The following ACOT12 variants were observed in gnomAD, a reference collection of about 807,000 sequenced individuals.
ACOT12 encodes acyl-CoA thioesterase 12, also known as acetyl-coenzyme A thioesterase.
A neutral mutation model predicts 67.7 loss-of-function variants in ACOT12; 51 were observed. The observed-to-expected ratio is 0.75, with a 90% CI of 0.60 to 0.95. The LOEUF (loss-of-function observed/expected upper bound fraction) is 0.95, where lower values mean the gene tolerates loss of function less well. Ranked by LOEUF, ACOT12 falls within the 40% of genes least tolerant of loss-of-function variation. The pLI, the probability that ACOT12 is intolerant of heterozygous loss-of-function variation, is 0.00. For synonymous variants in ACOT12, 251 were observed against 244.6 expected, an observed-to-expected ratio of 1.03 and a Z score of -0.24; for missense variants, 734 against 708.1, an observed-to-expected ratio of 1.04 and a Z score of -0.41.
chr5:81,345,325 A>G (rs1759347251), intron 7 of ACOT12, among the ~76,000 whole-genome samples: 1 of 152,180 alleles, frequency 6.6e-6, no homozygotes, highest in Non-Finnish European at 1.5e-5. Context: ...ATTCAAGAAC[A>G]TATTTTGGCA....
intron 5 of ACOT12, among the ~76,000 whole-genome samples, chr5:81,354,525 T>C (rs1759649515): frequency 6.6e-6 from 1 of 152,130 alleles, no homozygotes; most frequent in Non-Finnish European, 1.5e-5. Context: ...GTCACCATCC[T>C]AGCAACCCTT....
chr5:81,347,362 C>T (rs1421847265), intron 6 of ACOT12, among the ~76,000 whole-genome samples: 2 of 152,152 alleles, frequency 1.3e-5, no homozygotes, highest in Admixed American at 1.3e-4. Context: ...CTTCCTGTCT[C>T]GGCCTCCCAG....
chr5:81,346,944 C>T (rs898225868), intron 6 of ACOT12, among the ~76,000 whole-genome samples: 4 of 152,154 alleles, frequency 2.6e-5, no homozygotes, highest in Non-Finnish European at 4.4e-5. Flanking sequence ...GCTCAATTAC[C>T]TACATCTTTC....
At chr5:81,313,457 T>C in the ACOT12 span, among the ~76,000 whole-genome samples, 2 of 152,244 alleles carry the variant, frequency 1.3e-5, no homozygotes, top group Non-Finnish European at 2.9e-5. Flanking sequence ...ATAAACTTAA[T>C]AGCATTTTGT....
the ACOT12 span, among the ~76,000 whole-genome samples, chr5:81,323,872 ATGTG>A: frequency 4.2e-5 from 6 of 144,248 alleles, no homozygotes; most frequent in African/African-American, 1.5e-4. Flanking sequence ...ATATGTATAT[ATGTG>A]TATATATGTA....
intron 12 of ACOT12, among the ~76,000 whole-genome samples, chr5:81,334,515 A>G (rs1054703912): frequency 6.6e-6 from 1 of 152,222 alleles, no homozygotes; most frequent in East Asian, 1.9e-4. Context: ...GAGGAGGATA[A>G]GGGAACTCCT....
Position 81,330,471 on chromosome 5 carries a change from A to G in ACOT12, c.1591T>C (p.Ser531Pro), listed in dbSNP as rs1388945045. ...FAGNLGGWSKSIEETAASCIQ... is the reference protein window; with the variant it reads ...FAGNLGGWSKPIEETAASCIQ... ...CAAGAGGCTGCTGTTTCTTCAATGG[A>G]TTTTGACCAGCCACCAAGATTTCCA... is the stretch of plus-strand genomic sequence containing the variant. Residue 531 changes from serine (S) to proline (P), a missense_variant, in exon 15 of 15, where the codon TCC becomes CCC. Ser to Pro is a moderately conservative substitution (Grantham distance 74). Transcript: ENST00000307624. 1.9e-6 allele frequency: 3 copies of G among 1,614,028 alleles called. No homozygotes were observed. Among genetic ancestry groups the G allele is most frequent in the Non-Finnish European group, 2.5e-6 (3 of 1,179,988 alleles).
intron 4 of ACOT12, among the ~76,000 whole-genome samples, chr5:81,362,163 C>CTTTT (rs529301882): frequency 7.6e-6 from 1 of 131,634 alleles, no homozygotes; most frequent in Non-Finnish European, 1.6e-5. Context: ...CTATTATATT[C>CTTTT]TTTTTTTTTT....
At chr5:81,341,074 A>T (rs1436017387) in intron 11 of ACOT12, among the ~76,000 whole-genome samples, 1 of 152,228 alleles carries the variant, frequency 6.6e-6, no homozygotes, top group Admixed American at 6.5e-5. Flanking sequence ...TTCATTCCAG[A>T]CATGAATTTG....
At chr5:81,333,588 T>C (rs1000293835) in intron 12 of ACOT12, among the ~76,000 whole-genome samples, 1 of 152,216 alleles carries the variant, frequency 6.6e-6, no homozygotes, top group African/African-American at 2.4e-5. Context: ...GAATGTCAAG[T>C]GACATAGAGA....
At chr5:81,363,959 T>C (rs1241180310) in intron 3 of ACOT12, 70 bp from the exon 4 acceptor site, 2 of 1,013,268 alleles carry the variant, frequency 2.0e-6, no homozygotes, top group Non-Finnish European at 2.8e-6. Context: ...AATTTAGTCA[T>C]ATGTATGCAC....
intron 2 of ACOT12, among the ~76,000 whole-genome samples, chr5:81,382,572 G>A (rs1409356993): frequency 6.6e-6 from 1 of 152,090 alleles, no homozygotes; most frequent in Non-Finnish European, 1.5e-5. Flanking sequence ...CGAGGTGGGT[G>A]GATCACCTGA....
intron 5 of ACOT12, among the ~76,000 whole-genome samples, chr5:81,355,275 C>G (rs1298323662): frequency 1.3e-5 from 2 of 152,276 alleles, no homozygotes; most frequent in Admixed American, 1.3e-4. Flanking sequence ...CTTTATTATT[C>G]CCATTTTACA....
At chr5:81,357,866 C>T (rs192812558) in intron 5 of ACOT12, among the ~76,000 whole-genome samples, 209 of 151,960 alleles carry the variant, frequency 1.4e-3, no homozygotes, top group African/African-American at 4.6e-3. Context: ...ATTAGCTGGG[C>T]GTGGTGGCGC....
chr5:81,350,232 C>T (rs571007297), intron 5 of ACOT12, among the ~76,000 whole-genome samples: 2 of 152,204 alleles, frequency 1.3e-5, no homozygotes, highest in African/African-American at 4.8e-5. Context: ...TCTTCCAGTT[C>T]CTTGTCTTAT....
At chr5:81,324,251 G>T in the ACOT12 span, among the ~76,000 whole-genome samples, 3 of 152,112 alleles carry the variant, frequency 2.0e-5, no homozygotes, top group Non-Finnish European at 4.4e-5. Flanking sequence ...GGGAAGATAG[G>T]TTATAATCCA....
chr5:81,360,570 A>G (rs973656258), intron 4 of ACOT12, among the ~76,000 whole-genome samples: 2 of 152,236 alleles, frequency 1.3e-5, no homozygotes, highest in African/African-American at 4.8e-5. Context: ...ATATGTAGGA[A>G]TAAAGCTTTC....
At chr5:81,349,697 C>T (rs1440578643) in intron 5 of ACOT12, among the ~76,000 whole-genome samples, 3 of 152,124 alleles carry the variant, frequency 2.0e-5, no homozygotes, top group African/African-American at 4.8e-5. Flanking sequence ...CTTTTTGGTG[C>T]AGGGACTATG....
At chr5:81,385,681 C>A in intron 2 of ACOT12, 76 bp downstream of exon 2, 1 of 1,363,710 alleles carries the variant, frequency 7.3e-7, no homozygotes, top group African/African-American at 1.4e-5. Flanking sequence ...CCTGAATAAG[C>A]TCAGGTGCCA....
Sources: gnomAD v4.1 joint callset for allele counts (sites outside exome capture counted in the v4.1 genomes callset) on GRCh38, gnomAD v4.1.1 for gene constraint, MANE v1.5 for transcripts, NCBI Gene and HGNC (gene_info 2026-07-23, HGNC 2026-07-21) for gene names.